TAF4B: variants seen among roughly 807,000 people sequenced by gnomAD.
The protein encoded by TAF4B is transcription initiation factor TFIID subunit 4B.
A neutral mutation model predicts 86.4 loss-of-function variants in TAF4B; 38 were observed. That is an observed-to-expected ratio of 0.44 (90% CI 0.34 to 0.58). The LOEUF is 0.58. TAF4B is among the 20% of genes least tolerant of loss of function. The pLI, the probability that TAF4B is intolerant of heterozygous loss-of-function variation, is 0.02. For synonymous variants in TAF4B, 388 were observed against 391.2 expected (o/e 0.99, Z 0.10); for missense variants, 988 against 1,027.6 (o/e 0.96, Z 0.53).
At chr18:26,387,222 T>C (rs1159232257) in intron 14 of TAF4B, among the ~76,000 whole-genome samples, 2 of 152,140 alleles carry the variant, frequency 1.3e-5, no homozygotes, top group Non-Finnish European at 2.9e-5. Flanking sequence ...CACACCACCA[T>C]GCCTGGCTCA....
intron 12 of TAF4B, among the ~76,000 whole-genome samples, chr18:26,333,532 G>A (rs1240976604): frequency 6.6e-6 from 1 of 152,144 alleles, no homozygotes. Flanking sequence ...TGGGACTATA[G>A]GCACGTGTCA....
intron 9 of TAF4B, among the ~76,000 whole-genome samples, chr18:26,296,191 T>A (rs1055479714): frequency 2.6e-5 from 4 of 152,140 alleles, no homozygotes; most frequent in Non-Finnish European, 5.9e-5. Flanking sequence ...GAAAACTGTT[T>A]GGTCCTTTTT....
chr18:26,292,142 A>G, intron 7 of TAF4B, 104 bp from the exon 8 acceptor site: 5 of 1,298,804 alleles, frequency 3.8e-6, no homozygotes, highest in African/African-American at 3.0e-5. Flanking sequence ...AGATAAAGGT[A>G]TATTTATGGC....
chr18:26,283,406 G>A lies in TAF4B; in HGVS notation c.972+1346G>A, dbSNP rs532377405. Among the ~76,000 whole-genome samples, 3 of 152,110 alleles carry A rather than the reference G, an allele frequency of 2.0e-5. No individual in the cohort carries two copies. In the East Asian group the frequency reaches 5.8e-4, roughly 29 times the overall value. On this transcript the variant is annotated intron_variant, in intron 6 of 14. Transcript: ENST00000269142. ...GGGTGACGAGGTGTATTGTCAATGA[G>A]TGGTAATATTTTGAAAATAATCTTT...
chr18:26,340,171 G>A (rs558234536), intron 13 of TAF4B, among the ~76,000 whole-genome samples: 1 of 152,266 alleles, frequency 6.6e-6, no homozygotes, highest in East Asian at 1.9e-4. Flanking sequence ...AACTGTTGGT[G>A]CAATTCTTCA....
intron 14 of TAF4B, among the ~76,000 whole-genome samples, chr18:26,375,537 A>G (rs902933843): frequency 6.6e-6 from 1 of 152,130 alleles, no homozygotes; most frequent in African/African-American, 2.4e-5. Flanking sequence ...CAAGGGTTCC[A>G]CTTTCTCCAC....
At chr18:26,349,138 A>AT (rs1157918287) in intron 13 of TAF4B, 2 of 152,220 alleles carry the variant, frequency 1.3e-5, no homozygotes, top group African/African-American at 4.8e-5. Flanking sequence ...AGGTGTACAC[A>AT]TACAGGTTTG....
At chr18:26,304,937 T>C in intron 9 of TAF4B, 1 of 916,730 alleles carries the variant, frequency 1.1e-6, no homozygotes, top group Non-Finnish European at 1.3e-6. Context: ...ACTTATTGCT[T>C]TCCAGACTTA....
chr18:26,313,045 T>C (rs1003674013), intron 9 of TAF4B, among the ~76,000 whole-genome samples: 1 of 152,176 alleles, frequency 6.6e-6, no homozygotes, highest in Non-Finnish European at 1.5e-5. Context: ...TATGTATCTT[T>C]CCAAAAATAT....
chr18:26,388,689 G>A (rs1567935581), intron 14 of TAF4B, among the ~76,000 whole-genome samples: 1 of 152,238 alleles, frequency 6.6e-6, no homozygotes, highest in East Asian at 1.9e-4. Context: ...CAGTTAAGAT[G>A]TCTTGTAAAG....
intron 1 of TAF4B, among the ~76,000 whole-genome samples, chr18:26,253,148 C>A (rs2056031173): frequency 6.6e-6 from 1 of 152,016 alleles, no homozygotes; most frequent in Non-Finnish European, 1.5e-5. Flanking sequence ...CTTAGATATC[C>A]TTGTCTTATT....
At chr18:26,320,387 A>T (rs1040460561) in intron 10 of TAF4B, among the ~76,000 whole-genome samples, 3 of 152,222 alleles carry the variant, frequency 2.0e-5, no homozygotes, top group Non-Finnish European at 4.4e-5. Flanking sequence ...TATGTGGTCC[A>T]AATTGTTTTC....
At chr18:26,340,111 A>G (rs143808670) in intron 13 of TAF4B, among the ~76,000 whole-genome samples, 2 of 152,346 alleles carry the variant, frequency 1.3e-5, no homozygotes, top group African/African-American at 2.4e-5. Context: ...TAGAAGCCCT[A>G]TATCCTAAAG....
chr18:26,386,711 C>A (rs1033900071), intron 14 of TAF4B, among the ~76,000 whole-genome samples: 1 of 152,164 alleles, frequency 6.6e-6, no homozygotes, highest in African/African-American at 2.4e-5. Context: ...TTGTGATACT[C>A]TTTCATGTTA....
At chr18:26,276,617 GGTTAGT>G (rs1206219635) in intron 5 of TAF4B, among the ~76,000 whole-genome samples, 3 of 152,128 alleles carry the variant, frequency 2.0e-5, no homozygotes, top group Non-Finnish European at 2.9e-5. Context: ...CACTTGAAAT[GGTTAGT>G]TTTTCATTTG....
At chr18:26,360,119 CTCAG>C (rs552315697) in intron 14 of TAF4B, among the ~76,000 whole-genome samples, 57 of 152,246 alleles carry the variant, frequency 3.7e-4, no homozygotes, top group Non-Finnish European at 6.3e-4. Context: ...CGTTCCCACA[CTCAG>C]TATTATTTAA....
chr18:26,388,415 G>A (rs1321635327), intron 14 of TAF4B, among the ~76,000 whole-genome samples: 9 of 152,198 alleles, frequency 5.9e-5, no homozygotes, highest in Non-Finnish European at 1.3e-4. Context: ...GATAACCTGT[G>A]TTGTTCTGTG....
intron 1 of TAF4B, among the ~76,000 whole-genome samples, chr18:26,255,326 A>G (rs1387145298): frequency 6.6e-6 from 1 of 152,100 alleles, no homozygotes; most frequent in Non-Finnish European, 1.5e-5. Context: ...GGGGAAATCA[A>G]CCCATTCAAA....
intron 3 of TAF4B, among the ~76,000 whole-genome samples, chr18:26,273,389 C>CATGTGATATGTACACAT (rs2056344189): frequency 6.6e-6 from 1 of 152,000 alleles, no homozygotes; most frequent in Non-Finnish European, 1.5e-5. Flanking sequence ...AACAAGACTA[C>CATGTGATATGTACACAT]ATGTGATATG....
Sources: allele counts gnomAD v4.1 joint callset (sites outside exome capture counted in the v4.1 genomes callset), GRCh38; gene constraint gnomAD v4.1.1; transcripts MANE v1.5; gene names NCBI Gene and HGNC (gene_info 2026-07-23, HGNC 2026-07-21).